COL12A1: variants seen among roughly 807,000 people sequenced by gnomAD.
COL12A1 encodes the protein collagen alpha-1(XII) chain.
A neutral mutation model predicts 349.7 loss-of-function variants in COL12A1; 114 were observed. The observed-to-expected ratio is 0.33, with a 90% confidence interval of 0.28 to 0.38. The LOEUF (loss-of-function observed/expected upper bound fraction) is 0.38. Ranked by LOEUF, COL12A1 falls within the 10% of genes least tolerant of loss-of-function variation. COL12A1 has a pLI of 1.00. For synonymous variants in COL12A1, 1,369 were observed against 1,329.0 expected, an observed-to-expected ratio of 1.03 and a Z score of -0.66; for missense variants, 3,284 against 3,756.9, an observed-to-expected ratio of 0.87 and a Z score of 3.29.
intron 11 of COL12A1, among the ~76,000 whole-genome samples, chr6:75,178,884 G>A (rs1769117796): frequency 6.6e-6 from 1 of 152,186 alleles, no homozygotes; most frequent in South Asian, 2.1e-4. Flanking sequence ...AGAAAGAAAT[G>A]GTAGTTGGCC....
intron 2 of COL12A1, among the ~76,000 whole-genome samples, chr6:75,201,887 T>G (rs777126658): frequency 5.2e-4 from 79 of 152,308 alleles, no homozygotes; most frequent in Middle Eastern, 3.4e-3. Flanking sequence ...GAAACCCATC[T>G]CGGAGCGCCC....
At chr6:75,194,768 A>G in intron 3 of COL12A1, 63 bp downstream of exon 3, 2 of 982,444 alleles carry the variant, frequency 2.0e-6, no homozygotes, top group Non-Finnish European at 3.1e-6. Flanking sequence ...AGGGGAGAAG[A>G]GGTGGAGATT....
Position 75,090,305 on chromosome 6 carries a change from G to C in COL12A1, c.8753-7C>G. On this transcript the variant is annotated splice_polypyrimidine_tract_variant and splice_region_variant and intron_variant, in intron 62 of 65. Coordinates refer to ENST00000322507, the MANE Select transcript of COL12A1 (RefSeq NM_004370.6). The surrounding 1 kb of genome is among the most constrained non-coding windows in gnomAD (Gnocchi z 4.1). ...TTGAATCTGTTCATCTGACCTACAA[G>C]CAGAAATAAGGCTTGTTAGTAAGAA... The C allele has an allele frequency of 6.3e-7, 1 of 1,597,562 alleles. No homozygotes were observed. The highest frequency in any genetic ancestry group is 8.6e-7 in the Non-Finnish European group (1 of 1,167,488).
chr6:75,199,947 T>C (rs1389523570), intron 2 of COL12A1, among the ~76,000 whole-genome samples: 1 of 152,160 alleles, frequency 6.6e-6, no homozygotes, highest in African/African-American at 2.4e-5. Context: ...GTTTTTAATA[T>C]ATAAAACATT....
chr6:75,142,273 G>A, intron 26 of COL12A1, 112 bp from the exon 27 acceptor site: 1 of 1,306,122 alleles, frequency 7.7e-7, no homozygotes, highest in Non-Finnish European at 1.1e-6. Flanking sequence ...GATCAGAAAA[G>A]AGCAGTGTTT....
rs1378175876 is a variant in COL12A1, at chr6:75,113,852, G to C, written c.7698-108C>G. 51 of 864,064 alleles carry C rather than the reference G, an allele frequency of 5.9e-5. No homozygotes were observed. In the East Asian group the frequency reaches 1.3e-3, roughly 21 times the overall value. The allele number at this position is 864,064 out of a possible 1,614,324, so 53.5% of individuals were successfully genotyped here. A position where few individuals can be genotyped will look rare whatever the true frequency, so the allele number is the denominator to read the frequency against. ...AGAACAGATACTCTTTTAAATCTTTGCACCAGAATCTCATATGGGTAGTAT... is the reference window on the plus strand; with the variant it reads ...AGAACAGATACTCTTTTAAATCTTTCCACCAGAATCTCATATGGGTAGTAT... On this transcript the variant is annotated intron_variant, in intron 49 of 65. Coordinates refer to ENST00000322507, the MANE Select transcript of COL12A1 (RefSeq NM_004370.6).
At chr6:75,126,499 G>T in intron 38 of COL12A1, 29 bp from the exon 39 acceptor site, 1 of 1,599,304 alleles carries the variant, frequency 6.3e-7, no homozygotes, top group Non-Finnish European at 8.5e-7. Context: ...ACACATTACT[G>T]ACCTTTTATT....
In COL12A1 at chr6:75,179,805, A is replaced by G. The variant is rs13218702; in HGVS notation, c.2164+1134T>C. On this transcript the variant is annotated intron_variant, in intron 11 of 65. Coordinates refer to ENST00000322507, the MANE Select transcript of COL12A1 (RefSeq NM_004370.6). ...AATAATTGCCTTGCCTTAGTCTTCC[A>G]CTAACCAACTTAAATTGGTGCCTTA... Among the ~76,000 whole-genome samples the G allele has an allele frequency of 2.5e-3, 380 of 152,362 alleles. 1 individual carries two copies. The highest frequency in any genetic ancestry group is 3.9e-3 in the Non-Finnish European group (267 of 68,028).
At chr6:75,124,627 C>A (rs1765924625) in intron 40 of COL12A1, among the ~76,000 whole-genome samples, 1 of 152,036 alleles carries the variant, frequency 6.6e-6, no homozygotes, top group Admixed American at 6.6e-5. Context: ...TCAAAAACAT[C>A]TCATGGAAAA....
At chr6:75,167,626 A>G (rs1768379164) in intron 13 of COL12A1, among the ~76,000 whole-genome samples, 1 of 152,198 alleles carries the variant, frequency 6.6e-6, no homozygotes, top group East Asian at 1.9e-4. Context: ...AACAGACATC[A>G]ATCTCATAAA....
In COL12A1 at chr6:75,133,959, G is replaced by A; in HGVS notation, c.5563C>T (p.Pro1855Ser). The A allele has an allele frequency of 1.9e-6, 3 of 1,613,934 alleles. No individual in the cohort carries two copies. The highest frequency in any genetic ancestry group is 2.7e-5 in the African/African-American group (2 of 74,996). The change falls in exon 33 of 66, where the codon CCT becomes TCT. Residue 1855 changes from proline to serine, a missense_variant. By Grantham distance (74) the Pro-to-Ser change is moderately conservative. Transcript: ENST00000322507. Reference protein sequence around the residue: ...NTVRNLRVYDPSTSTLNVRWD... With the variant: ...NTVRNLRVYDSSTSTLNVRWD... Reference sequence around the variant, plus strand: ...CGGACATTCAAGGTGCTGGTAGAAGGGTCATACACTCTCAGGTTCCTTACA... The same window carrying A: ...CGGACATTCAAGGTGCTGGTAGAAGAGTCATACACTCTCAGGTTCCTTACA...
intron 13 of COL12A1, among the ~76,000 whole-genome samples, chr6:75,169,423 A>C (rs1768506614): frequency 6.6e-6 from 1 of 152,170 alleles, no homozygotes; most frequent in Non-Finnish European, 1.5e-5. Flanking sequence ...GAAGGCATAG[A>C]AACAGTGGCA....
Position 75,182,971 on chromosome 6 carries a change from C to T in COL12A1, c.1891+79G>A. ...TTTCGTGTCTATAAGAAGAATTGAA[C>T]AAGCATATTATCCACAATTTTAGAA... On this transcript the variant is annotated intron_variant, in intron 10 of 65. Coordinates refer to ENST00000322507, the MANE Select transcript of COL12A1 (RefSeq NM_004370.6). 7 of 1,479,376 alleles carry T rather than the reference C, an allele frequency of 4.7e-6. No homozygotes were observed. The South Asian group carries it at 8.4e-5, about 18-fold the overall frequency. The allele number at this position is 1,479,376 out of a possible 1,614,324, so 91.6% of individuals were successfully genotyped here. A position where few individuals can be genotyped will look rare whatever the true frequency, so the allele number is the denominator to read the frequency against.
chr6:75,139,827 G>A (rs1299705981), intron 27 of COL12A1, among the ~76,000 whole-genome samples: 3 of 152,078 alleles, frequency 2.0e-5, no homozygotes, highest in Non-Finnish European at 2.9e-5. Flanking sequence ...CATTGACCAG[G>A]TCCTCTGGCT....
chr6:75,114,680 A>G (rs975768308), intron 49 of COL12A1, among the ~76,000 whole-genome samples: 2 of 152,092 alleles, frequency 1.3e-5, no homozygotes, highest in African/African-American at 4.8e-5. Context: ...CTTTTAAAAC[A>G]TATGCTCTGG....
rs966077025 is a variant in COL12A1, at chr6:75,085,660, T to G, written c.*887A>C. On this transcript the variant is annotated 3_prime_UTR_variant, in exon 66 of 66. Coordinates refer to ENST00000322507, the MANE Select transcript of COL12A1 (RefSeq NM_004370.6). ...AAGAACTGTAAACGCAGTAACTAAGTAGGATTTTCGCAAATCCCCAAGTAA... is the reference window on the plus strand; with the variant it reads ...AAGAACTGTAAACGCAGTAACTAAGGAGGATTTTCGCAAATCCCCAAGTAA... 2 of 215,978 alleles carry G rather than the reference T, an allele frequency of 9.3e-6. No individual in the cohort carries two copies. The highest frequency in any genetic ancestry group is 2.3e-5 in the African/African-American group (1 of 43,562). The allele number at this position is 215,978 out of a possible 1,614,324, so 13.4% of individuals were successfully genotyped here.
chr6:75,145,395 A>T lies in COL12A1; in HGVS notation c.4621T>A (p.Tyr1541Asn), dbSNP rs2149405623. 1 of 1,613,946 alleles carries T rather than the reference A, an allele frequency of 6.2e-7. No individual in the cohort carries two copies. The change falls in exon 25 of 66, where the codon TAT (tyrosine) becomes AAT (asparagine). Residue 1541 changes from tyrosine (Y) to asparagine (N), a missense_variant. By Grantham distance (143) the Tyr-to-Asn change is moderately radical. This residue lies in a region of COL12A1 where 2,601 missense variants were observed against 2,824.8 expected (regional missense o/e 0.92). Coordinates refer to ENST00000322507, the MANE Select transcript of COL12A1 (RefSeq NM_004370.6). ...QLTDLVPNTE[Y>N]AVTVQAVLHD... is the part of the protein sequence containing the mutation. Reference sequence around the variant, plus strand: ...AGGACAGCCTGGACTGTGACTGCATACTCCGTGTTGGGAACAAGGTCAGTC... The same window carrying T: ...AGGACAGCCTGGACTGTGACTGCATTCTCCGTGTTGGGAACAAGGTCAGTC...
At position 75,090,032 on chromosome 6, in the gene COL12A1, A is replaced by G. The variant is rs1767680197; in HGVS notation, c.8941+78T>C. 2 of 1,506,446 alleles carry G rather than the reference A, an allele frequency of 1.3e-6. No individual in the cohort carries two copies. Among genetic ancestry groups the G allele is most frequent in the Non-Finnish European group, 9.1e-7 (1 of 1,098,010 alleles). 93.3% of individuals were successfully genotyped at this position (1,506,446 alleles called of 1,614,324 possible). On this transcript the variant is annotated intron_variant, in intron 63 of 65. Coordinates refer to ENST00000322507, the MANE Select transcript of COL12A1 (RefSeq NM_004370.6). The surrounding 1 kb of genome is among the most constrained non-coding windows in gnomAD (Gnocchi z 4.1). ...AAGCAGTTTGCCTAGGTCACCTTTCAGATGCCTTCAACCTGTCCCAACTCC... is the reference window on the plus strand; with the variant it reads ...AAGCAGTTTGCCTAGGTCACCTTTCGGATGCCTTCAACCTGTCCCAACTCC...
intron 23 of COL12A1, 124 bp from the exon 24 acceptor site, chr6:75,146,368 A>G (rs1364999982): frequency 8.5e-6 from 9 of 1,064,606 alleles, no homozygotes; most frequent in South Asian, 6.3e-5. Context: ...TGAGAAATCA[A>G]TAAGAGTTAA....
Sources: gnomAD v4.1 joint callset for allele counts (sites outside exome capture counted in the v4.1 genomes callset) on GRCh38, gnomAD v4.1.1 for gene constraint, gnomAD v4.1.1 regional missense constraint, Gnocchi (gnomAD v3.1) non-coding constraint, MANE v1.5 for transcripts, NCBI Gene and HGNC (gene_info 2026-07-23, HGNC 2026-07-21) for gene names.